The following ABCC9 variants were observed in gnomAD, a reference collection of about 807,000 sequenced individuals.
The protein encoded by ABCC9 is ATP-binding cassette sub-family C member 9.
A neutral mutation model predicts 188.3 loss-of-function variants in ABCC9; 95 were observed. That is an observed-to-expected ratio of 0.50 (90% CI 0.43 to 0.60). ABCC9 has a LOEUF of 0.60. ABCC9 is among the 20% of genes least tolerant of loss of function. The pLI, the probability that ABCC9 is intolerant of heterozygous loss-of-function variation, is 0.00. For synonymous variants in ABCC9, 659 were observed against 652.7 expected (o/e 1.01, Z -0.15); for missense variants, 1,102 against 1,876.3 (o/e 0.59, Z 7.62).
intron 18 of ABCC9, among the ~76,000 whole-genome samples, chr12:21,870,729 T>G (rs1946028055): frequency 6.6e-6 from 1 of 152,222 alleles, no homozygotes; most frequent in Non-Finnish European, 1.5e-5. Flanking sequence ...CTATTACAAC[T>G]TCAGATGATT....
intron 36 of ABCC9, 24 bp downstream of exon 36, chr12:21,812,025 G>T: frequency 6.7e-7 from 1 of 1,491,546 alleles, no homozygotes; most frequent in Non-Finnish European, 9.4e-7. Flanking sequence ...AAGGCATACA[G>T]GTGTTGCTAA....
intron 5 of ABCC9, chr12:21,925,337 A>T: frequency 1.8e-6 from 1 of 552,282 alleles, no homozygotes; most frequent in South Asian, 2.7e-5. Flanking sequence ...CAGAACAAGG[A>T]AGCAAGAGAG....
chr12:21,847,029 A>G (rs1366324459), intron 25 of ABCC9, among the ~76,000 whole-genome samples: 2 of 152,096 alleles, frequency 1.3e-5, no homozygotes, highest in East Asian at 3.9e-4. Context: ...TTCTTCCCCT[A>G]CTGTTGGCTT....
At chr12:21,879,556 C>T (rs1946526272) in intron 16 of ABCC9, among the ~76,000 whole-genome samples, 1 of 152,074 alleles carries the variant, frequency 6.6e-6, no homozygotes, top group Non-Finnish European at 1.5e-5. Context: ...TGTGAATGTA[C>T]TAAATGCCAC....
At chr12:21,871,270 G>A (rs531376242) in intron 18 of ABCC9, among the ~76,000 whole-genome samples, 4 of 152,252 alleles carry the variant, frequency 2.6e-5, no homozygotes, top group Non-Finnish European at 5.9e-5. Flanking sequence ...ACTGCCTGAG[G>A]ATAGTGGCAG....
At chr12:21,824,832 G>A (rs1943269799) in intron 31 of ABCC9, among the ~76,000 whole-genome samples, 2 of 152,042 alleles carry the variant, frequency 1.3e-5, no homozygotes, top group Admixed American at 6.6e-5. Flanking sequence ...GGGATTAGTG[G>A]TGATATCCCC....
chr12:21,862,216 A>G (rs1345457404), intron 20 of ABCC9, among the ~76,000 whole-genome samples: 1 of 152,046 alleles, frequency 6.6e-6, no homozygotes, highest in Non-Finnish European at 1.5e-5. Flanking sequence ...GTCTCCATAT[A>G]TATGTATATA....
At position 21,848,252 on chromosome 12, in the gene ABCC9, G is replaced by T. The variant is rs766581555; in HGVS notation, c.2770-6C>A. On this transcript the variant is annotated splice_region_variant and splice_polypyrimidine_tract_variant and intron_variant, in intron 24 of 39. Coordinates refer to ENST00000261200, the MANE Select transcript of ABCC9 (RefSeq NM_020297.4). ...GTTTGGTCAGCTTCCATATCCTGCA[G>T]TAAACATTGTACTATCATGCAAGGA... 1.9e-6 allele frequency: 3 copies of T among 1,611,050 alleles called. No homozygotes were observed. Among genetic ancestry groups the T allele is most frequent in the East Asian group, 2.2e-5 (1 of 44,814 alleles).
intron 20 of ABCC9, among the ~76,000 whole-genome samples, chr12:21,861,292 A>G (rs1945496362): frequency 6.7e-6 from 1 of 148,794 alleles, no homozygotes; most frequent in Non-Finnish European, 1.5e-5. Context: ...GTTCAGTGGC[A>G]CGATCTTGGT....
At chr12:21,911,895 A>ATTCCCATTATAAT (rs143730509) in intron 8 of ABCC9, among the ~76,000 whole-genome samples, 1 of 151,958 alleles carries the variant, frequency 6.6e-6, no homozygotes, top group Non-Finnish European at 1.5e-5. Context: ...TATCTGGTTC[A>ATTCCCATTATAAT]TGAACACTAA....
At chr12:21,902,652 A>C (rs1173871462) in intron 12 of ABCC9, among the ~76,000 whole-genome samples, 1 of 152,222 alleles carries the variant, frequency 6.6e-6, no homozygotes, top group East Asian at 1.9e-4. Context: ...CCATCAGAGA[A>C]TACTATAAAC....
At chr12:21,820,893 T>C (rs1943000355) in intron 31 of ABCC9, among the ~76,000 whole-genome samples, 1 of 152,188 alleles carries the variant, frequency 6.6e-6, no homozygotes, top group African/African-American at 2.4e-5. Flanking sequence ...TCTTATTTGC[T>C]TATTTGTTTA....
intron 16 of ABCC9, among the ~76,000 whole-genome samples, chr12:21,880,813 A>G (rs925344475): frequency 3.3e-5 from 5 of 152,138 alleles, no homozygotes; most frequent in Admixed American, 2.6e-4. Context: ...GTTTGCCATT[A>G]TCTAGGAAGG....
At chr12:21,918,561 T>C (rs1219655891) in intron 5 of ABCC9, among the ~76,000 whole-genome samples, 1 of 152,198 alleles carries the variant, frequency 6.6e-6, no homozygotes, top group Non-Finnish European at 1.5e-5. Flanking sequence ...CTATCGCTAC[T>C]TAACAAACTA....
At chr12:21,804,893 A>G (rs375338306) in intron 39 of ABCC9, among the ~76,000 whole-genome samples, 18 of 152,228 alleles carry the variant, frequency 1.2e-4, no homozygotes, top group African/African-American at 3.9e-4. Flanking sequence ...ATCCCTAAGG[A>G]CTAGTGAAAT....
intron 25 of ABCC9, 79 bp from the exon 26 acceptor site, chr12:21,845,911 T>C: frequency 9.9e-7 from 1 of 1,010,444 alleles, no homozygotes; most frequent in African/African-American, 1.6e-5. Flanking sequence ...AAATAGTATA[T>C]AAACATTCAT....
Position 21,915,928 on chromosome 12 carries a change from C to T in ABCC9, c.574-18G>A, listed in dbSNP as rs376566343. 2.8e-5 allele frequency: 45 copies of T among 1,605,254 alleles called. No individual in the cohort carries two copies. In the African/African-American group the frequency reaches 4.7e-4, roughly 17 times the overall value. The stretch of plus-strand genomic sequence containing the variant: ...ACATATCTCTGTGGCAAGAAAAATT[C>T]CACAGTATAACAATTAGTCCAATTA... On this transcript the variant is annotated intron_variant, in intron 6 of 39. Transcript: ENST00000261200.
intron 31 of ABCC9, among the ~76,000 whole-genome samples, chr12:21,821,144 AT>A (rs1289395151): frequency 7.9e-5 from 12 of 152,258 alleles, no homozygotes; most frequent in Admixed American, 7.9e-4. Flanking sequence ...TTCTTTTAGG[AT>A]TTGTATGAAT....
intron 26 of ABCC9, 112 bp from the exon 27 acceptor site, chr12:21,845,027 GC>G: frequency 1.5e-6 from 2 of 1,347,674 alleles, no homozygotes; most frequent in South Asian, 2.5e-5. Flanking sequence ...TATTTTGCAT[GC>G]ATTTAGACGG....
Sources: allele counts gnomAD v4.1 joint callset (sites outside exome capture counted in the v4.1 genomes callset), GRCh38; gene constraint gnomAD v4.1.1; transcripts MANE v1.5; gene names NCBI Gene and HGNC (gene_info 2026-07-23, HGNC 2026-07-21).